The following TOGARAM2 variants were observed in gnomAD, a reference collection of about 807,000 sequenced individuals.
TOGARAM2 encodes TOG array regulator of axonemal microtubules protein 2.
A neutral mutation model predicts 93.3 loss-of-function variants in TOGARAM2; 85 were observed. The ratio of observed to expected loss-of-function variants is 0.91; its 90% CI spans 0.76 to 1.09. The LOEUF (loss-of-function observed/expected upper bound fraction) is 1.09. TOGARAM2 is among the 50% of genes least tolerant of loss of function. The pLI, the probability that TOGARAM2 is intolerant of heterozygous loss-of-function variation, is 0.00. For missense variants in TOGARAM2, 1,277 were observed against 1,334.5 expected (o/e 0.96, Z 0.67); for synonymous variants, 593 against 552.8 (o/e 1.07, Z -1.02).
intron 11 of TOGARAM2, 47 bp from the exon 12 acceptor site, chr2:29,023,039 T>A: frequency 6.0e-6 from 9 of 1,506,412 alleles, no homozygotes; most frequent in Non-Finnish European, 7.2e-6. Flanking sequence ...GGGGTGGGGC[T>A]CCTCCCTCTC....
chr2:28,963,499 C>T (rs2148215196), intron 1 of TOGARAM2, among the ~76,000 whole-genome samples: 1 of 152,046 alleles, frequency 6.6e-6, no homozygotes, highest in Admixed American at 6.5e-5. Context: ...CTCAGCTTCC[C>T]AAGTAGCTAG....
intron 4 of TOGARAM2, among the ~76,000 whole-genome samples, chr2:29,001,067 G>A (rs1253384000): frequency 6.6e-6 from 1 of 152,202 alleles, no homozygotes; most frequent in Non-Finnish European, 1.5e-5. Flanking sequence ...GAGGGCCGGG[G>A]ATCTCTGGCC....
intron 1 of TOGARAM2, among the ~76,000 whole-genome samples, chr2:28,990,631 G>A (rs942662966): frequency 1.3e-5 from 2 of 152,190 alleles, no homozygotes; most frequent in Admixed American, 6.5e-5. Context: ...GGCCCAGCAC[G>A]GATGCTGCTT....
intron 14 of TOGARAM2, among the ~76,000 whole-genome samples, chr2:29,031,371 TAGTC>T (rs1255544228): frequency 1.3e-5 from 2 of 152,248 alleles, no homozygotes; most frequent in Non-Finnish European, 2.9e-5. Context: ...TTCACAAACT[TAGTC>T]AGTGTTGCTC....
At chr2:29,042,544 C>CG (rs562606919) in intron 18 of TOGARAM2, among the ~76,000 whole-genome samples, 45 of 152,174 alleles carry the variant, frequency 3.0e-4, no homozygotes, top group Admixed American at 1.0e-3. Context: ...AAAGAACACT[C>CG]GGGGGGGCTA....
chr2:28,999,062 C>G, intron 3 of TOGARAM2, 119 bp from the exon 4 acceptor site: 4 of 1,045,088 alleles, frequency 3.8e-6, no homozygotes, highest in Non-Finnish European at 5.4e-6. Context: ...CATTAAATGA[C>G]TGGGTTTCAC....
In TOGARAM2 at chr2:29,035,030, A is replaced by G. The variant is rs148483022; in HGVS notation, c.2226-434A>G. Among the ~76,000 whole-genome samples, 778 of 152,056 alleles carry G rather than the reference A, an allele frequency of 5.1e-3. 8 individuals are homozygous for G. Among genetic ancestry groups the G allele is most frequent in the African/African-American group, 0.018 (742 of 41,462 alleles). The stretch of plus-strand genomic sequence containing the variant: ...CCGGGCATGGTGACACATGCCTGTA[A>G]TACAAGCTACTTGGGAGGCCGAGGC... On this transcript the variant is annotated intron_variant, in intron 16 of 19. Transcript: ENST00000379558.
At chr2:29,010,078 A>G (rs1664139789) in intron 6 of TOGARAM2, among the ~76,000 whole-genome samples, 1 of 150,570 alleles carries the variant, frequency 6.6e-6, no homozygotes, top group African/African-American at 2.5e-5. Flanking sequence ...AGAGCGGGGG[A>G]GGCTGCAGCT....
intron 1 of TOGARAM2, among the ~76,000 whole-genome samples, chr2:28,970,112 C>T (rs1390806450): frequency 1.3e-5 from 2 of 152,154 alleles, no homozygotes; most frequent in Non-Finnish European, 2.9e-5. Flanking sequence ...TGCCCGACAT[C>T]GGTTGTCTTG....
intron 19 of TOGARAM2, chr2:29,051,100 A>G (rs1262618645): frequency 6.6e-6 from 1 of 152,242 alleles, no homozygotes; most frequent in Non-Finnish European, 1.5e-5. Flanking sequence ...CTCCCCTGCC[A>G]GCTGTCTTGT....
chr2:28,974,882 T>A (rs1672001492), intron 1 of TOGARAM2, among the ~76,000 whole-genome samples: 1 of 152,032 alleles, frequency 6.6e-6, no homozygotes, highest in Non-Finnish European at 1.5e-5. Flanking sequence ...CCTCCCACCT[T>A]GGCCTCCCAA....
At chr2:29,034,701 C>T (rs943753800) in intron 16 of TOGARAM2, among the ~76,000 whole-genome samples, 12 of 152,168 alleles carry the variant, frequency 7.9e-5, no homozygotes, top group Admixed American at 2.6e-4. Flanking sequence ...CTGTGATGGG[C>T]ATGTGATCCC....
intron 5 of TOGARAM2, among the ~76,000 whole-genome samples, chr2:29,003,176 T>C (rs1558418469): frequency 6.6e-6 from 1 of 152,218 alleles, no homozygotes; most frequent in Non-Finnish European, 1.5e-5. Context: ...CTTGTGCAAG[T>C]CACACCCCTC....
chr2:29,012,704 G>A (rs1026872915), intron 7 of TOGARAM2, among the ~76,000 whole-genome samples: 1 of 152,194 alleles, frequency 6.6e-6, no homozygotes, highest in Admixed American at 6.5e-5. Flanking sequence ...GTCCTTAAAG[G>A]GCTCTCTGCC....
At chr2:28,999,872 C>T (rs533769329) in intron 4 of TOGARAM2, among the ~76,000 whole-genome samples, 57 of 152,362 alleles carry the variant, frequency 3.7e-4, no homozygotes, top group African/African-American at 1.4e-3. Context: ...GTGTCACTCT[C>T]TGCCTTCGGT....
chr2:29,029,202 T>C (rs1311008643), intron 14 of TOGARAM2, among the ~76,000 whole-genome samples: 1 of 152,044 alleles, frequency 6.6e-6, no homozygotes, highest in African/African-American at 2.4e-5. Flanking sequence ...ACAGCCCAAA[T>C]GCCTCATCAT....
chr2:28,957,131 A>G (rs1336968303), intron 1 of TOGARAM2, among the ~76,000 whole-genome samples: 3 of 152,088 alleles, frequency 2.0e-5, no homozygotes, highest in Non-Finnish European at 2.9e-5. Flanking sequence ...AAAACGAAAA[A>G]CAAATCCTAT....
At position 29,045,381 on chromosome 2, in the gene TOGARAM2, C is replaced by T. The variant is rs772860938; in HGVS notation, c.2693C>T (p.Ala898Val). 1.9e-5 allele frequency: 31 copies of T among 1,613,492 alleles called. No individual in the cohort carries two copies. The highest frequency in any genetic ancestry group is 8.0e-5 in the African/African-American group (6 of 74,896). The change falls in exon 19 of 20, where the codon GCG becomes GTG. Residue 898 changes from alanine (A) to valine (V), a missense_variant. Coordinates refer to ENST00000379558, the MANE Select transcript of TOGARAM2 (RefSeq NM_199280.4). ...AGRVRFLSGR[A>V]VLDVTDRLAV... is the part of the protein sequence containing the mutation. ...CGAGTGCGTTTCCTGAGTGGCCGTG[C>T]GGTGCTGGATGTCACAGATCGCCTG...
chr2:28,958,668 G>C (rs1360598332), intron 1 of TOGARAM2, among the ~76,000 whole-genome samples: 1 of 152,128 alleles, frequency 6.6e-6, no homozygotes, highest in Admixed American at 6.5e-5. Flanking sequence ...CTTGGATTTG[G>C]TGAATTCAGG....
Sources: gnomAD v4.1 joint callset for allele counts (sites outside exome capture counted in the v4.1 genomes callset) on GRCh38, gnomAD v4.1.1 for gene constraint, MANE v1.5 for transcripts, NCBI Gene and HGNC (gene_info 2026-07-23, HGNC 2026-07-21) for gene names.